SAMD3: variants seen among roughly 807,000 people sequenced by gnomAD.
SAMD3 encodes sterile alpha motif domain-containing protein 3.
Under a neutral mutation model 58.5 loss-of-function variants are expected in SAMD3, and 63 were observed. That is an observed-to-expected ratio of 1.08 (90% confidence interval 0.88 to 1.33). The LOEUF is 1.33. Ranked by LOEUF, SAMD3 falls within the 40% of genes most tolerant of loss-of-function variation. The pLI is 0.00. For missense variants in SAMD3, 604 were observed against 608.4 expected, an observed-to-expected ratio of 0.99 and a Z score of 0.08; for synonymous variants, 220 against 210.3, an observed-to-expected ratio of 1.05 and a Z score of -0.40.
At chr6:130,177,203 T>C (rs1339096462) in intron 7 of SAMD3, among the ~76,000 whole-genome samples, 2 of 152,150 alleles carry the variant, frequency 1.3e-5, no homozygotes, top group Non-Finnish European at 2.9e-5. Context: ...CAAGTTCCCA[T>C]GTGATGCTGC....
At chr6:130,342,302 T>C (rs1006945382) in intron 1 of SAMD3, among the ~76,000 whole-genome samples, 1 of 152,224 alleles carries the variant, frequency 6.6e-6, no homozygotes, top group Non-Finnish European at 1.5e-5. Context: ...AAAAATTGTT[T>C]TGGAATCATA....
chr6:130,276,122 C>T (rs1023875407), intron 2 of SAMD3, among the ~76,000 whole-genome samples: 20 of 151,722 alleles, frequency 1.3e-4, no homozygotes, highest in African/African-American at 3.4e-4. Flanking sequence ...GTTGGAATTA[C>T]GTACTTTGAA....
At chr6:130,235,930 A>G (rs1773132405) in intron 2 of SAMD3, among the ~76,000 whole-genome samples, 1 of 152,194 alleles carries the variant, frequency 6.6e-6, no homozygotes, top group Non-Finnish European at 1.5e-5. Context: ...TCTGTAGTTG[A>G]GATGTAGAGA....
intron 2 of SAMD3, among the ~76,000 whole-genome samples, chr6:130,252,938 A>T (rs1773789598): frequency 6.6e-6 from 1 of 152,182 alleles, no homozygotes; most frequent in Admixed American, 6.5e-5. Context: ...AAATTATTTT[A>T]GTCATAATTT....
chr6:130,319,078 A>G (rs1323734553), intron 1 of SAMD3, among the ~76,000 whole-genome samples: 1 of 152,186 alleles, frequency 6.6e-6, no homozygotes, highest in African/African-American at 2.4e-5. Context: ...ATGGTAATAG[A>G]AATTATCCCA....
chr6:130,345,968 G>A (rs1448281401), intron 1 of SAMD3, among the ~76,000 whole-genome samples: 1 of 152,214 alleles, frequency 6.6e-6, no homozygotes, highest in Non-Finnish European at 1.5e-5. Context: ...AAGGCTACAA[G>A]GGTAAAAAGC....
chr6:130,356,014 C>G (rs568932775), intron 1 of SAMD3, among the ~76,000 whole-genome samples: 1 of 152,260 alleles, frequency 6.6e-6, no homozygotes, highest in South Asian at 2.1e-4. Context: ...TTGTCTGTTC[C>G]TTTTTTTCAA....
At chr6:130,321,827 C>T (rs1045444312) in intron 1 of SAMD3, among the ~76,000 whole-genome samples, 1 of 152,036 alleles carries the variant, frequency 6.6e-6, no homozygotes, top group Non-Finnish European at 1.5e-5. Flanking sequence ...AAAGTCTAGA[C>T]TATAAGGCAG....
At chr6:130,231,931 G>A (rs1796560754) in intron 2 of SAMD3, among the ~76,000 whole-genome samples, 1 of 152,174 alleles carries the variant, frequency 6.6e-6, no homozygotes, top group South Asian at 2.1e-4. Flanking sequence ...ATCTGCATTA[G>A]TCAGTTTTGT....
intron 1 of SAMD3, chr6:130,365,016 G>T: frequency 5.2e-6 from 1 of 192,574 alleles, no homozygotes; most frequent in Non-Finnish European, 9.5e-6. Context: ...ACTTAAAACA[G>T]ATCCAGGGGA....
intron 5 of SAMD3, among the ~76,000 whole-genome samples, chr6:130,200,514 A>G (rs1399571280): frequency 7.6e-6 from 1 of 131,886 alleles, no homozygotes; most frequent in Admixed American, 9.6e-5. Context: ...ACACCACTGC[A>G]CTCCAGCCAG....
chr6:130,256,585 T>C (rs1342021677), intron 2 of SAMD3, among the ~76,000 whole-genome samples: 1 of 152,228 alleles, frequency 6.6e-6, no homozygotes, highest in African/African-American at 2.4e-5. Flanking sequence ...GTCATTCCAC[T>C]TTTTAGCTAG....
rs1480472198 is a variant in SAMD3 at position 130,150,862 on chromosome 6, C to T, written c.1023+3963G>A. Among the ~76,000 whole-genome samples, 3 of 152,024 alleles carry T rather than the reference C, an allele frequency of 2.0e-5. No individual in the cohort carries two copies. In the East Asian group the frequency reaches 5.8e-4, roughly 29 times the overall value. ...GAGTAGCTGGGATTACAGGTGTGTG[C>T]CACCACACCCGGCTAATTTTTGTAT... On this transcript the variant is annotated intron_variant, in intron 9 of 11. Transcript: ENST00000439090.
At chr6:130,225,475 A>G (rs1420544984), upstream of SAMD3, among the ~76,000 whole-genome samples, 1 of 152,232 alleles carries the variant, frequency 6.6e-6, no homozygotes, top group Non-Finnish European at 1.5e-5. Context: ...ATTAATTTCT[A>G]TATTTAAGAA....
intron 8 of SAMD3, among the ~76,000 whole-genome samples, chr6:130,155,644 A>T (rs981921096): frequency 3.9e-5 from 6 of 152,236 alleles, no homozygotes; most frequent in African/African-American, 4.8e-5. Context: ...TTCTAGAAAT[A>T]TGAGTTAAGA....
intron 1 of SAMD3, among the ~76,000 whole-genome samples, chr6:130,321,915 A>G (rs1189384766): frequency 6.6e-6 from 1 of 152,202 alleles, no homozygotes; most frequent in Admixed American, 6.5e-5. Flanking sequence ...AAACCAGAAG[A>G]ATGAGAAATT....
chr6:130,204,741 C>T (rs186632833), intron 5 of SAMD3, among the ~76,000 whole-genome samples: 153 of 149,980 alleles, frequency 1.0e-3, no homozygotes, highest in Non-Finnish European at 1.8e-3. Flanking sequence ...ATTCTAAGAG[C>T]CAGAGTCAGG....
Position 130,165,894 on chromosome 6 carries a change from G to T in SAMD3, c.822+9947C>A, listed in dbSNP as rs924035567. 2.6e-5 allele frequency among the ~76,000 whole-genome samples: 4 copies of T among 152,258 alleles called. 1 individual carries two copies. The South Asian group carries it at 8.3e-4, about 32-fold the overall frequency. Reference sequence around the variant, plus strand: ...TTTTTTGGTTGAAGAGATCCCCAAGGAAAGGATGAACATCGAGCTATGATG... The same window carrying T: ...TTTTTTGGTTGAAGAGATCCCCAAGTAAAGGATGAACATCGAGCTATGATG... On this transcript the variant is annotated intron_variant, in intron 8 of 11. Transcript: ENST00000439090.
intron 2 of SAMD3, among the ~76,000 whole-genome samples, chr6:130,279,767 G>C (rs1293211186): frequency 6.6e-6 from 1 of 152,118 alleles, no homozygotes; most frequent in East Asian, 1.9e-4. Context: ...TTACAGGTGT[G>C]AGCCACTGTG....
Sources: allele counts gnomAD v4.1 joint callset (sites outside exome capture counted in the v4.1 genomes callset), GRCh38; gene constraint gnomAD v4.1.1; transcripts MANE v1.5; gene names NCBI Gene and HGNC (gene_info 2026-07-23, HGNC 2026-07-21).